NTRK2: variants seen among roughly 807,000 people sequenced by gnomAD.
NTRK2 encodes neurotrophic receptor tyrosine kinase 2.
In NTRK2, 13 loss-of-function variants were observed where a neutral mutation model predicts 94.5. The observed-to-expected ratio is 0.14, with a 90% CI of 0.09 to 0.22. The LOEUF is 0.22. Among genes scored for constraint, NTRK2 ranks in the 10% least tolerant of loss-of-function variants. NTRK2 has a pLI of 1.00. For missense variants in NTRK2, 639 were observed against 1,071.2 expected (o/e 0.60, Z 5.63); for synonymous variants, 372 against 407.4 (o/e 0.91, Z 1.05).
intron 15 of NTRK2, among the ~76,000 whole-genome samples, chr9:84,942,113 G>A (rs1397658469): frequency 6.6e-6 from 1 of 152,126 alleles, no homozygotes; most frequent in African/African-American, 2.4e-5. Context: ...CTAGCACATA[G>A]CAAGCACAAT....
At chr9:84,953,646 A>T (rs767860426) in intron 16 of NTRK2, among the ~76,000 whole-genome samples, 1 of 152,216 alleles carries the variant, frequency 6.6e-6, no homozygotes, top group Non-Finnish European at 1.5e-5. Flanking sequence ...GTAGAGGTGA[A>T]ATATGTTAGG....
At chr9:84,808,026 G>A (rs997391847) in intron 12 of NTRK2, among the ~76,000 whole-genome samples, 3 of 152,132 alleles carry the variant, frequency 2.0e-5, no homozygotes, top group Admixed American at 6.5e-5. Flanking sequence ...TTTTTATGGC[G>A]GCTTCACTTG....
chr9:84,850,037 G>A (rs1301751166), intron 12 of NTRK2, among the ~76,000 whole-genome samples: 1 of 152,176 alleles, frequency 6.6e-6, no homozygotes, highest in African/African-American at 2.4e-5. Context: ...TGAATGCAGT[G>A]CAGAATGTGG....
intron 12 of NTRK2, among the ~76,000 whole-genome samples, chr9:84,826,911 T>C (rs1017066531): frequency 3.3e-5 from 5 of 152,204 alleles, no homozygotes; most frequent in South Asian, 2.1e-4. Flanking sequence ...GTTGAATGAA[T>C]AAACAGGTGT....
At chr9:84,692,475 T>TCTTTTTC (rs1564064324) in intron 2 of NTRK2, among the ~76,000 whole-genome samples, 9 of 131,544 alleles carry the variant, frequency 6.8e-5, no homozygotes, top group African/African-American at 2.7e-4. Flanking sequence ...TTTCTTTTTT[T>TCTTTTTC]TTTTTTTTTT....
At chr9:84,859,895 C>T (rs1008159622) in intron 12 of NTRK2, among the ~76,000 whole-genome samples, 6 of 152,192 alleles carry the variant, frequency 3.9e-5, no homozygotes, top group African/African-American at 9.7e-5. Context: ...GCCTTCATCT[C>T]ATCTTCTAAA....
intron 17 of NTRK2, among the ~76,000 whole-genome samples, chr9:84,994,737 T>C (rs1829531343): frequency 6.6e-6 from 1 of 152,240 alleles, no homozygotes; most frequent in African/African-American, 2.4e-5. Context: ...AGAATGGTCA[T>C]GTATTTGCTG....
intron 17 of NTRK2, among the ~76,000 whole-genome samples, chr9:85,018,519 C>T (rs1476849480): frequency 1.3e-5 from 2 of 152,200 alleles, no homozygotes; most frequent in East Asian, 1.9e-4. Context: ...TCATTCTACC[C>T]TCATACCGCA....
chr9:84,739,205 C>G lies in NTRK2; in HGVS notation c.1160-2687C>G, dbSNP rs367752000. On this transcript the variant is annotated intron_variant, in intron 9 of 18. Coordinates refer to ENST00000277120, the MANE Select transcript of NTRK2 (RefSeq NM_006180.6). Reference sequence around the variant, plus strand: ...AGCTGGGACTACAGGCATGCACCACCATGCCTCGCTAATTTTTGTATTTTT... The same window carrying G: ...AGCTGGGACTACAGGCATGCACCACGATGCCTCGCTAATTTTTGTATTTTT... Among the ~76,000 whole-genome samples the G allele has an allele frequency of 1.9e-3, 291 of 152,162 alleles. 1 individual carries two copies. Among genetic ancestry groups the G allele is most frequent in the African/African-American group, 6.3e-3 (262 of 41,500 alleles).
intron 2 of NTRK2, among the ~76,000 whole-genome samples, chr9:84,688,525 A>G (rs953113937): frequency 5.3e-5 from 8 of 152,156 alleles, no homozygotes; most frequent in South Asian, 2.1e-4. Context: ...TGATATTATC[A>G]TAGACACAAG....
At chr9:84,717,987 G>A (rs1020797616) in intron 6 of NTRK2, among the ~76,000 whole-genome samples, 2 of 151,640 alleles carry the variant, frequency 1.3e-5, no homozygotes, top group Admixed American at 6.6e-5. Context: ...TTCTTACAGA[G>A]CCTCCTTCTC....
intron 12 of NTRK2, chr9:84,811,611 T>G (rs2071799627): frequency 9.4e-7 from 1 of 1,065,334 alleles, no homozygotes; most frequent in Non-Finnish European, 1.1e-6. Flanking sequence ...GGAGAGGAGA[T>G]TCTAAGAAGG....
intron 15 of NTRK2, among the ~76,000 whole-genome samples, chr9:84,943,888 A>G (rs2078497998): frequency 6.6e-6 from 1 of 152,150 alleles, no homozygotes; most frequent in Non-Finnish European, 1.5e-5. Flanking sequence ...AATTCAGAAG[A>G]TGATTTTGCC....
chr9:84,860,247 C>T (rs903829975), intron 12 of NTRK2, among the ~76,000 whole-genome samples: 9 of 152,246 alleles, frequency 5.9e-5, no homozygotes, highest in Admixed American at 2.6e-4. Flanking sequence ...TTGAATCCAG[C>T]GGAAATTACC....
intron 17 of NTRK2, among the ~76,000 whole-genome samples, chr9:84,963,424 G>A (rs993628865): frequency 6.6e-6 from 1 of 152,190 alleles, no homozygotes; most frequent in African/African-American, 2.4e-5. Flanking sequence ...TTTGCAATGA[G>A]CCCCTGCCTT....
intron 14 of NTRK2, among the ~76,000 whole-genome samples, chr9:84,868,833 C>T (rs975675620): frequency 6.6e-6 from 1 of 152,086 alleles, no homozygotes; most frequent in Non-Finnish European, 1.5e-5. Context: ...TGATTGTTCT[C>T]CCTAGGAATA....
At chr9:84,749,575 T>G (rs546991514) in intron 11 of NTRK2, among the ~76,000 whole-genome samples, 4 of 152,092 alleles carry the variant, frequency 2.6e-5, no homozygotes, top group Middle Eastern at 3.4e-3. Flanking sequence ...TACTTAATTT[T>G]TTTGTAAATC....
rs551121717 is a variant in NTRK2 at position 84,768,435 on chromosome 9, G to A, written c.1396+16350G>A. Among the ~76,000 whole-genome samples, 13 of 152,178 alleles carry A rather than the reference G, an allele frequency of 8.5e-5. 1 individual carries two copies. In the South Asian group the frequency reaches 2.3e-3, roughly 27 times the overall value. Reference sequence around the variant, plus strand: ...CTCCCCTTGCCAAGCCCCTCCCTCCGCAGGGGTTTTTCTTTCATCTCTTGA... The same window carrying A: ...CTCCCCTTGCCAAGCCCCTCCCTCCACAGGGGTTTTTCTTTCATCTCTTGA... On this transcript the variant is annotated intron_variant, in intron 12 of 18. Transcript: ENST00000277120.
intron 14 of NTRK2, chr9:84,874,965 A>C (rs200494184): frequency 3.8e-6 from 4 of 1,055,892 alleles, no homozygotes; most frequent in African/African-American, 3.3e-5. Flanking sequence ...AAGTGCCCTA[A>C]AATGGGTATT....
Sources: gnomAD v4.1 joint callset for allele counts (sites outside exome capture counted in the v4.1 genomes callset) on GRCh38, gnomAD v4.1.1 for gene constraint, MANE v1.5 for transcripts, NCBI Gene and HGNC (gene_info 2026-07-23, HGNC 2026-07-21) for gene names.